Variants in ELMO1 observed in about 807,000 individuals in gnomAD.
ELMO1 encodes the protein engulfment and cell motility 1.
Under a neutral mutation model 98.9 loss-of-function variants are expected in ELMO1, and 26 were observed. That is an observed-to-expected ratio of 0.26 (90% CI 0.19 to 0.36). The LOEUF is 0.36. ELMO1 is among the 10% of genes least tolerant of loss of function. The pLI is 1.00. For synonymous variants in ELMO1, 346 were observed against 346.0 expected (o/e 1.00, Z 0.00); for missense variants, 627 against 935.2 (o/e 0.67, Z 4.30).
At chr7:37,073,747 A>C (rs1225935652) in intron 15 of ELMO1, among the ~76,000 whole-genome samples, 2 of 151,966 alleles carry the variant, frequency 1.3e-5, no homozygotes, top group Non-Finnish European at 2.9e-5. Flanking sequence ...CACCATGTCC[A>C]GGTAATTTTA....
intron 15 of ELMO1, among the ~76,000 whole-genome samples, chr7:37,037,113 T>TA (rs1562913629): frequency 6.6e-6 from 1 of 152,190 alleles, no homozygotes; most frequent in African/African-American, 2.4e-5. Flanking sequence ...AGTTGAAAGT[T>TA]AATTTGTGGA....
rs561114917 is a variant in ELMO1 at position 37,178,128 on chromosome 7, T to C, written c.1086+33258A>G. ...TGTTAGTCCGTTTTCATGCTGCTGA[T>C]AAAGACATACCCGAGACTGGGTAAT... On this transcript the variant is annotated intron_variant, in intron 13 of 21. Coordinates refer to ENST00000310758, the MANE Select transcript of ELMO1 (RefSeq NM_014800.11). Among the ~76,000 whole-genome samples, 186 of 151,992 alleles carry C rather than the reference T, an allele frequency of 1.2e-3. 1 individual carries two copies. The highest frequency in any genetic ancestry group is 3.9e-3 in the African/African-American group (162 of 41,446).
intron 14 of ELMO1, among the ~76,000 whole-genome samples, chr7:37,126,325 ATAT>A (rs1786522967): frequency 6.8e-6 from 1 of 147,052 alleles, no homozygotes; most frequent in African/African-American, 2.5e-5. Context: ...ATATATATAT[ATAT>A]AAAAGAAAAG....
chr7:36,885,034 G>A (rs1020853091), intron 18 of ELMO1, among the ~76,000 whole-genome samples: 3 of 152,122 alleles, frequency 2.0e-5, no homozygotes, highest in African/African-American at 7.2e-5. Context: ...AAATCTAAAT[G>A]GAATGTTTTG....
intron 16 of ELMO1, among the ~76,000 whole-genome samples, chr7:36,967,127 A>AT (rs1789505844): frequency 6.6e-6 from 1 of 152,244 alleles, no homozygotes; most frequent in Admixed American, 6.5e-5. Flanking sequence ...TTAGAAATGT[A>AT]TATTTAGTTT....
At chr7:36,924,760 TG>T (rs1458445733) in intron 16 of ELMO1, among the ~76,000 whole-genome samples, 4 of 151,678 alleles carry the variant, frequency 2.6e-5, no homozygotes, top group Admixed American at 1.3e-4. Context: ...ACCCCCATGG[TG>T]GGGGGTGGCA....
At chr7:37,225,453 C>T (rs1331115965) in intron 8 of ELMO1, among the ~76,000 whole-genome samples, 1 of 152,202 alleles carries the variant, frequency 6.6e-6, no homozygotes, top group Non-Finnish European at 1.5e-5. Flanking sequence ...TCCACACAAT[C>T]CATGGCTTTT....
In ELMO1 at chr7:37,191,057, T is replaced by C. The variant is rs1191554351; in HGVS notation, c.1086+20329A>G. Among the ~76,000 whole-genome samples, 5 of 150,984 alleles carry C rather than the reference T, an allele frequency of 3.3e-5. No individual in the cohort carries two copies. The East Asian group carries it at 9.9e-4, about 30-fold the overall frequency. On this transcript the variant is annotated intron_variant, in intron 13 of 21. Transcript: ENST00000310758. Reference sequence around the variant, plus strand: ...ACAAAAAATTAGCCGGGTGTGGTGGTGGGCGCCTGTGGTCCCAGCTACTCA... The same window carrying C: ...ACAAAAAATTAGCCGGGTGTGGTGGCGGGCGCCTGTGGTCCCAGCTACTCA...
chr7:37,392,504 G>A (rs984086619), intron 1 of ELMO1, among the ~76,000 whole-genome samples: 2 of 152,188 alleles, frequency 1.3e-5, no homozygotes, highest in Non-Finnish European at 2.9e-5. Context: ...AAGCAGAGGT[G>A]GCCAACCATG....
chr7:36,883,495 G>T (rs1014701511), intron 18 of ELMO1, among the ~76,000 whole-genome samples: 3 of 152,136 alleles, frequency 2.0e-5, no homozygotes, highest in African/African-American at 7.2e-5. Context: ...CTGGATCATG[G>T]GGGTGGAATG....
At chr7:37,006,701 G>GA (rs1554389854) in intron 16 of ELMO1, among the ~76,000 whole-genome samples, 1 of 152,130 alleles carries the variant, frequency 6.6e-6, no homozygotes, top group Non-Finnish European at 1.5e-5. Context: ...GGTGATTGGG[G>GA]AAAAATACCT....
rs1031893370 is a variant in ELMO1, at chr7:37,096,546, A to G, written c.1300+73T>C. 3.1e-6 allele frequency: 4 copies of G among 1,308,182 alleles called. No individual in the cohort carries two copies. The African/African-American group carries it at 4.4e-5, about 14-fold the overall frequency. The allele number at this position is 1,308,182 out of a possible 1,614,324, so 81.0% of individuals were successfully genotyped here. A position where few individuals can be genotyped will look rare whatever the true frequency, so the allele number is the denominator to read the frequency against. The stretch of plus-strand genomic sequence containing the variant: ...TGTCGGCATCTTGGGATTTCTTCAC[A>G]CAGGTAGGGGCACAACCCTGGAAGC... On this transcript the variant is annotated intron_variant, in intron 15 of 21. Transcript: ENST00000310758.
chr7:37,030,804 A>G (rs1794840472), intron 15 of ELMO1, among the ~76,000 whole-genome samples: 1 of 152,154 alleles, frequency 6.6e-6, no homozygotes, highest in Non-Finnish European at 1.5e-5. Flanking sequence ...CTCCTGCACT[A>G]GGAGGACTAA....
intron 15 of ELMO1, among the ~76,000 whole-genome samples, chr7:37,074,361 A>C (rs1385349439): frequency 1.3e-5 from 2 of 152,062 alleles, no homozygotes; most frequent in Admixed American, 1.3e-4. Flanking sequence ...CTAGAGAACT[A>C]CTCTTTGCTC....
intron 21 of ELMO1, among the ~76,000 whole-genome samples, chr7:36,860,184 C>T (rs906807904): frequency 6.6e-6 from 1 of 152,152 alleles, no homozygotes; most frequent in African/African-American, 2.4e-5. Flanking sequence ...TTCTGGTCAA[C>T]AGTAGGCTAC....
At chr7:37,202,670 G>A (rs962185566) in intron 13 of ELMO1, among the ~76,000 whole-genome samples, 4 of 152,158 alleles carry the variant, frequency 2.6e-5, no homozygotes, top group African/African-American at 9.7e-5. Flanking sequence ...TGGTACTACT[G>A]AGCAGTACTG....
intron 7 of ELMO1, among the ~76,000 whole-genome samples, chr7:37,236,337 G>A (rs764162932): frequency 6.6e-6 from 1 of 152,194 alleles, no homozygotes; most frequent in Non-Finnish European, 1.5e-5. Context: ...TTAAGGAGGT[G>A]CAGCACCATT....
intron 16 of ELMO1, among the ~76,000 whole-genome samples, chr7:36,908,223 G>T (rs1024768956): frequency 6.6e-6 from 1 of 152,202 alleles, no homozygotes; most frequent in Non-Finnish European, 1.5e-5. Flanking sequence ...AGCTCAGAAG[G>T]AGCTTGTTGA....
intron 16 of ELMO1, among the ~76,000 whole-genome samples, chr7:36,990,376 A>G (rs1157986772): frequency 6.6e-6 from 1 of 152,118 alleles, no homozygotes; most frequent in Non-Finnish European, 1.5e-5. Context: ...CATACACCTA[A>G]TGGACTTGTA....
Sources: allele counts gnomAD v4.1 joint callset (sites outside exome capture counted in the v4.1 genomes callset), GRCh38; gene constraint gnomAD v4.1.1; transcripts MANE v1.5; gene names NCBI Gene and HGNC (gene_info 2026-07-23, HGNC 2026-07-21).